The following TENM2 variants were observed in gnomAD, a reference collection of about 807,000 sequenced individuals.
TENM2 encodes the protein teneurin-2.
Under a neutral mutation model 245.2 loss-of-function variants are expected in TENM2, and 52 were observed. The ratio of observed to expected loss-of-function variants is 0.21; its 90% CI spans 0.17 to 0.27. The LOEUF is 0.27. TENM2 is among the 10% of genes least tolerant of loss of function. TENM2 has a pLI of 1.00. For synonymous variants in TENM2, 1,363 were observed against 1,438.9 expected (o/e 0.95, Z 1.19); for missense variants, 3,046 against 3,666.8 (o/e 0.83, Z 4.37).
intron 2 of TENM2, among the ~76,000 whole-genome samples, chr5:167,679,570 C>T (rs558369419): frequency 1.1e-4 from 17 of 152,148 alleles, no homozygotes; most frequent in Admixed American, 5.9e-4. Flanking sequence ...CCACTCTTAC[C>T]AGTTTTCTCT....
intron 2 of TENM2, among the ~76,000 whole-genome samples, chr5:167,853,004 C>G (rs1770720674): frequency 6.6e-6 from 1 of 152,062 alleles, no homozygotes; most frequent in Admixed American, 6.5e-5. Context: ...TGATCGGGCT[C>G]TGCCAGGCGC....
chr5:167,930,831 A>G (rs957026099), intron 3 of TENM2, among the ~76,000 whole-genome samples: 5 of 152,150 alleles, frequency 3.3e-5, no homozygotes, highest in Non-Finnish European at 7.3e-5. Flanking sequence ...AATGCATTAA[A>G]TGACATTTAA....
chr5:167,236,159 G>T, the TENM2 span, among the ~76,000 whole-genome samples: 1 of 152,012 alleles, frequency 6.6e-6, no homozygotes, highest in Non-Finnish European at 1.5e-5. Context: ...TGAACTTTTG[G>T]CCTGACTTCC....
At chr5:167,199,880 A>C in the TENM2 span, among the ~76,000 whole-genome samples, 3 of 152,146 alleles carry the variant, frequency 2.0e-5, no homozygotes, top group Non-Finnish European at 4.4e-5. Context: ...CCCTAAAAAT[A>C]ACCTCATCCC....
At chr5:167,097,862 A>G in the TENM2 span, among the ~76,000 whole-genome samples, 1 of 152,244 alleles carries the variant, frequency 6.6e-6, no homozygotes, top group African/African-American at 2.4e-5. Flanking sequence ...TGGTAAACAT[A>G]GACCTCGACT....
intron 1 of TENM2, among the ~76,000 whole-genome samples, chr5:167,353,349 T>G (rs1486557815): frequency 6.6e-6 from 1 of 150,974 alleles, no homozygotes; most frequent in African/African-American, 2.4e-5. Flanking sequence ...TGCAGAAAGT[T>G]TATTGCTTGA....
intron 2 of TENM2, among the ~76,000 whole-genome samples, chr5:167,790,907 A>G (rs1428614815): frequency 6.6e-6 from 1 of 152,200 alleles, no homozygotes; most frequent in Non-Finnish European, 1.5e-5. Flanking sequence ...TCACTGGCAG[A>G]GTAGGCATTC....
At chr5:167,489,607 G>T (rs1768299392) in intron 2 of TENM2, among the ~76,000 whole-genome samples, 1 of 152,070 alleles carries the variant, frequency 6.6e-6, no homozygotes, top group African/African-American at 2.4e-5. Flanking sequence ...CACCTTCTAA[G>T]ATACTCTACA....
chr5:168,108,054 A>G (rs949803008), intron 9 of TENM2, among the ~76,000 whole-genome samples: 1 of 152,250 alleles, frequency 6.6e-6, no homozygotes, highest in African/African-American at 2.4e-5. Flanking sequence ...ACTTGAATAG[A>G]GGAAGCAAGG....
chr5:167,480,027 C>T (rs1395963493), intron 2 of TENM2, among the ~76,000 whole-genome samples: 1 of 152,166 alleles, frequency 6.6e-6, no homozygotes, highest in Non-Finnish European at 1.5e-5. Flanking sequence ...GCATTTGCAA[C>T]CACACTTCAA....
chr5:167,182,224 A>G, the TENM2 span, among the ~76,000 whole-genome samples: 1 of 152,176 alleles, frequency 6.6e-6, no homozygotes, highest in Non-Finnish European at 1.5e-5. Flanking sequence ...TTGCAGGGGA[A>G]GTTCTGCTAA....
At chr5:166,983,870 C>G in the TENM2 span, among the ~76,000 whole-genome samples, 1 of 152,070 alleles carries the variant, frequency 6.6e-6, no homozygotes, top group Non-Finnish European at 1.5e-5. Flanking sequence ...TGTACTCTTC[C>G]ATCTCTAATT....
the TENM2 span, among the ~76,000 whole-genome samples, chr5:167,196,538 A>C: frequency 7.2e-6 from 1 of 138,506 alleles, no homozygotes; most frequent in Non-Finnish European, 1.5e-5. Flanking sequence ...GTGTGTGTAC[A>C]TATATGTGTG....
chr5:167,976,614 C>A (rs1782463053), intron 4 of TENM2, among the ~76,000 whole-genome samples: 2 of 152,120 alleles, frequency 1.3e-5, no homozygotes, highest in African/African-American at 4.8e-5. Flanking sequence ...CAATCCCTTA[C>A]TAGGAAGGAC....
Position 168,214,921 on chromosome 5 carries a change from T to A in TENM2, c.3846-119T>A. 3.8e-6 allele frequency: 3 copies of A among 799,942 alleles called. 1 individual carries two copies. The South Asian group carries it at 4.4e-5, about 12-fold the overall frequency. The allele number at this position is 799,942 out of a possible 1,614,324, so 49.6% of individuals were successfully genotyped here. A position where few individuals can be genotyped will look rare whatever the true frequency, so the allele number is the denominator to read the frequency against. ...TGATGTTAGATTCTTTCCAGTTCACTAAAGTGGAAAGACACTAGAGAAGGT... is the reference window on the plus strand; with the variant it reads ...TGATGTTAGATTCTTTCCAGTTCACAAAAGTGGAAAGACACTAGAGAAGGT... On this transcript the variant is annotated intron_variant, in intron 20 of 28. Transcript: ENST00000518659.
In TENM2 at chr5:167,415,976, T is replaced by C. The variant is rs117835899; in HGVS notation, c.502+40503T>C. 4.9e-4 allele frequency among the ~76,000 whole-genome samples: 75 copies of C among 152,254 alleles called. 1 individual carries two copies. In the East Asian group the frequency reaches 0.013, roughly 26 times the overall value. On this transcript the variant is annotated intron_variant, in intron 2 of 28. Coordinates refer to ENST00000518659, the Ensembl canonical transcript of TENM2. ...TGCTATGATGAATTGTCAGGAGAAGTAATTGTGACAGCCCTGTGGCCATAT... is the reference window on the plus strand; with the variant it reads ...TGCTATGATGAATTGTCAGGAGAAGCAATTGTGACAGCCCTGTGGCCATAT...
chr5:167,811,426 T>G (rs1384039558), intron 2 of TENM2, among the ~76,000 whole-genome samples: 1 of 152,058 alleles, frequency 6.6e-6, no homozygotes, highest in Non-Finnish European at 1.5e-5. Flanking sequence ...AGGTGCAAGC[T>G]TCTGCTTCAC....
chr5:167,158,893 TTCCTTCCTTC>T, the TENM2 span, among the ~76,000 whole-genome samples: 1 of 146,152 alleles, frequency 6.8e-6, no homozygotes, highest in African/African-American at 2.6e-5. Flanking sequence ...CCTTCCTTCC[TTCCTTCCTTC>T]CTTCCTCTTC....
At chr5:167,638,115 G>A (rs879345732) in intron 2 of TENM2, among the ~76,000 whole-genome samples, 9 of 149,814 alleles carry the variant, frequency 6.0e-5, no homozygotes, top group Non-Finnish European at 1.2e-4. Flanking sequence ...GTGTGTGTGT[G>A]TGTGTGTGTG....
Sources: allele counts gnomAD v4.1 joint callset (sites outside exome capture counted in the v4.1 genomes callset), GRCh38; gene constraint gnomAD v4.1.1; transcripts MANE v1.5; gene names NCBI Gene and HGNC (gene_info 2026-07-23, HGNC 2026-07-21).